Variants in POGLUT1 observed in about 807,000 individuals in gnomAD.
The protein encoded by POGLUT1 is 9630046K23Rik.
Under a neutral mutation model 61.3 loss-of-function variants are expected in POGLUT1, and 32 were observed. That is an observed-to-expected ratio of 0.52 (90% CI 0.39 to 0.70). The LOEUF is 0.70. POGLUT1 is among the 30% of genes least tolerant of loss of function. POGLUT1 has a pLI of 0.00. For missense variants in POGLUT1, 411 were observed against 469.8 expected (o/e 0.87, Z 1.16); for synonymous variants, 158 against 158.2 (o/e 1.00, Z 0.01).
intron 3 of POGLUT1, among the ~76,000 whole-genome samples, chr3:119,472,089 A>G (rs1382354131): frequency 1.3e-5 from 2 of 152,186 alleles, no homozygotes; most frequent in Non-Finnish European, 2.9e-5. Flanking sequence ...CTGAGGTACC[A>G]TGTCAGTGGG....
intron 1 of POGLUT1, 69 bp from the exon 2 acceptor site, chr3:119,469,751 G>A (rs2081447251): frequency 7.7e-6 from 6 of 778,786 alleles, no homozygotes; most frequent in Admixed American, 4.0e-5. Context: ...TGTTTCTTCT[G>A]TTGGTGTGGT....
At chr3:119,473,693 C>T (rs1346414741) in intron 3 of POGLUT1, among the ~76,000 whole-genome samples, 2 of 150,272 alleles carry the variant, frequency 1.3e-5, no homozygotes, top group East Asian at 3.9e-4. Context: ...GAGAATCTCA[C>T]TCTGTCACCC....
rs553751512 is a variant in POGLUT1 at position 119,473,415 on chromosome 3, A to G, written c.320+1963A>G. Among the ~76,000 whole-genome samples, 14 of 152,314 alleles carry G rather than the reference A, an allele frequency of 9.2e-5. No homozygotes were observed. The South Asian group carries it at 2.9e-3, about 32-fold the overall frequency. Reference sequence around the variant, plus strand: ...CTGAGCTCAGAACATTTTGGTCATAATCATGAGCTTAGAAATGTTCTGAAG... The same window carrying G: ...CTGAGCTCAGAACATTTTGGTCATAGTCATGAGCTTAGAAATGTTCTGAAG... On this transcript the variant is annotated intron_variant, in intron 3 of 10. Coordinates refer to ENST00000295588, the MANE Select transcript of POGLUT1 (RefSeq NM_152305.3).
intron 7 of POGLUT1, chr3:119,488,192 T>C (rs2081694061): frequency 6.6e-6 from 1 of 152,206 alleles, no homozygotes; most frequent in African/African-American, 2.4e-5. Flanking sequence ...TGAAAAAATG[T>C]GTTCATTTAG....
intron 2 of POGLUT1, among the ~76,000 whole-genome samples, chr3:119,470,557 C>G (rs1369133186): frequency 6.6e-6 from 1 of 152,128 alleles, no homozygotes; most frequent in African/African-American, 2.4e-5. Context: ...GCCTGGGTGA[C>G]AGAGTGAGAC....
At chr3:119,479,981 G>C (rs1216690849) in intron 4 of POGLUT1, 70 bp from the exon 5 acceptor site, 4 of 1,603,426 alleles carry the variant, frequency 2.5e-6, no homozygotes, top group Non-Finnish European at 3.4e-6. Flanking sequence ...AGATCCTGTG[G>C]CATGATTGCA....
chr3:119,475,995 A>C (rs9839028), intron 3 of POGLUT1, among the ~76,000 whole-genome samples: 3,288 of 30,708 alleles, frequency 0.11, 77 homozygotes, highest in East Asian at 0.19. Flanking sequence ...CACACACACA[A>C]ACACATACAG....
intron 2 of POGLUT1, among the ~76,000 whole-genome samples, chr3:119,470,898 G>A (rs2081462106): frequency 6.6e-6 from 1 of 152,218 alleles, no homozygotes. Flanking sequence ...GGCTTGTGGG[G>A]GAGAGTGTGG....
At chr3:119,477,750 G>T (rs993153510) in intron 4 of POGLUT1, among the ~76,000 whole-genome samples, 1 of 152,210 alleles carries the variant, frequency 6.6e-6, no homozygotes, top group African/African-American at 2.4e-5. Context: ...ATCTTACAGA[G>T]CATGGGAGGA....
rs759734825 is a variant in POGLUT1 at position 119,490,437 on chromosome 3, G to A, written c.798-114G>A. ...TGTCCTTGAAAACTCAAAGTGGAAA[G>A]AGAATGGAGAGGAATCATAAAAGGA... On this transcript the variant is annotated intron_variant, in intron 8 of 10. Coordinates refer to ENST00000295588, the MANE Select transcript of POGLUT1 (RefSeq NM_152305.3). 6.6e-6 allele frequency: 6 copies of A among 907,382 alleles called. No homozygotes were observed. The South Asian group carries it at 7.8e-5, about 12-fold the overall frequency. The allele number at this position is 907,382 out of a possible 1,614,324, so 56.2% of individuals were successfully genotyped here. A position where few individuals can be genotyped will look rare whatever the true frequency, so the allele number is the denominator to read the frequency against.
At position 119,480,188 on chromosome 3, in the gene POGLUT1, AG is replaced by A. The variant is rs749555795; in HGVS notation, c.578+18del. On this transcript the variant is annotated intron_variant, in intron 5 of 10. Coordinates refer to ENST00000295588, the MANE Select transcript of POGLUT1 (RefSeq NM_152305.3). ...ATCTGGTAAGGTAGGTCCTTTAAAGAGGTTTTATTTTTTCTCTTTCTGGGTT... is the reference window on the plus strand; with the variant it reads ...ATCTGGTAAGGTAGGTCCTTTAAAGAGTTTTATTTTTTCTCTTTCTGGGTT... 9 of 1,529,570 alleles carry A rather than the reference AG, an allele frequency of 5.9e-6. No homozygotes were observed. The Admixed American group carries it at 6.9e-5, about 12-fold the overall frequency. The allele number at this position is 1,529,570 out of a possible 1,614,324, so 94.7% of individuals were successfully genotyped here.
intron 6 of POGLUT1, among the ~76,000 whole-genome samples, chr3:119,486,230 A>G (rs1039859251): frequency 2.0e-5 from 3 of 152,176 alleles, no homozygotes; most frequent in African/African-American, 7.2e-5. Flanking sequence ...TTATGTGAGG[A>G]TATGTGCATT....
chr3:119,479,197 TG>T (rs1378330421), intron 4 of POGLUT1, among the ~76,000 whole-genome samples: 4 of 152,128 alleles, frequency 2.6e-5, no homozygotes, highest in Non-Finnish European at 4.4e-5. Flanking sequence ...CCCAAAGTGC[TG>T]GGATTACAGG....
At chr3:119,477,181 CTT>C in intron 3 of POGLUT1, 130 bp from the exon 4 acceptor site, 1 of 853,082 alleles carries the variant, frequency 1.2e-6, no homozygotes, top group Non-Finnish European at 1.9e-6. Context: ...TTTCAGGAGA[CTT>C]TGCAGTAGAC....
intron 3 of POGLUT1, among the ~76,000 whole-genome samples, chr3:119,476,421 T>C (rs527775346): frequency 6.6e-6 from 1 of 151,686 alleles, no homozygotes; most frequent in Non-Finnish European, 1.5e-5. Flanking sequence ...TTTTTGCAGT[T>C]ATCTCCCTAT....
chr3:119,479,243 A>G (rs1355226837), intron 4 of POGLUT1, among the ~76,000 whole-genome samples: 1 of 152,110 alleles, frequency 6.6e-6, no homozygotes, highest in Non-Finnish European at 1.5e-5. Context: ...AACTTCTTTC[A>G]AAAGATATGT....
intron 3 of POGLUT1, among the ~76,000 whole-genome samples, chr3:119,474,428 C>T (rs1398819478): frequency 6.6e-6 from 1 of 152,186 alleles, no homozygotes; most frequent in Non-Finnish European, 1.5e-5. Context: ...CTGCGTCTCC[C>T]TGTCTCCCTC....
rs137892364 is a variant in POGLUT1, at chr3:119,479,174, C to T, written c.457-877C>T. ...CAAACTCCTGACCTCAGGTGATCTA[C>T]CCGTCTCGGCCTCCCAAAGTGCTGG... is the stretch of plus-strand genomic sequence containing the variant. On this transcript the variant is annotated intron_variant, in intron 4 of 10. Transcript: ENST00000295588. Among the ~76,000 whole-genome samples, 339 of 152,164 alleles carry T rather than the reference C, an allele frequency of 2.2e-3. 1 individual carries two copies. Among genetic ancestry groups the T allele is most frequent in the African/African-American group, 7.6e-3 (315 of 41,508 alleles).
At chr3:119,487,720 A>G (rs1385246422) in intron 7 of POGLUT1, among the ~76,000 whole-genome samples, 1 of 152,080 alleles carries the variant, frequency 6.6e-6, no homozygotes, top group Non-Finnish European at 1.5e-5. Context: ...GAAATGTAAA[A>G]ATTTCTTAGT....
Sources: allele counts gnomAD v4.1 joint callset (sites outside exome capture counted in the v4.1 genomes callset), GRCh38; gene constraint gnomAD v4.1.1; transcripts MANE v1.5; gene names NCBI Gene and HGNC (gene_info 2026-07-23, HGNC 2026-07-21).